The following PLS3 variants were observed in gnomAD, a reference collection of about 807,000 sequenced individuals.
PLS3 encodes plastin-3.
Under a neutral mutation model 46.5 loss-of-function variants are expected in PLS3, and 11 were observed. The ratio of observed to expected loss-of-function variants is 0.24; its 90% CI spans 0.15 to 0.39. The LOEUF is 0.39. Ranked by LOEUF, PLS3 falls within the 10% of genes least tolerant of loss-of-function variation. The pLI, the probability that PLS3 is intolerant of heterozygous loss-of-function variation, is 1.00. For synonymous variants in PLS3, 167 were observed against 162.2 expected, an observed-to-expected ratio of 1.03 and a Z score of -0.22; for missense variants, 308 against 461.8, an observed-to-expected ratio of 0.67 and a Z score of 3.05.
intron 6 of PLS3, 30 bp downstream of exon 6, chrX:115,634,111 T>A (rs1556639824): frequency 1.2e-6 from 1 of 858,648 alleles, no homozygotes. Flanking sequence ...CCCTTTAACA[T>A]GAAATTACTG....
At chrX:115,621,528 A>G (rs1556637572) in intron 2 of PLS3, among the ~76,000 whole-genome samples, 1 of 111,728 alleles carries the variant, frequency 9.0e-6, no homozygotes, top group African/African-American at 3.2e-5. Context: ...TTCTCAATAA[A>G]TTAACTTTTG....
At chrX:115,597,632 T>C (rs782083060) in intron 1 of PLS3, among the ~76,000 whole-genome samples, 2 of 112,205 alleles carry the variant, frequency 1.8e-5, no homozygotes, top group Non-Finnish European at 3.8e-5. Flanking sequence ...TCCTGAAATT[T>C]TATATTATGT....
At chrX:115,589,144 A>AT (rs781998685) in intron 1 of PLS3, among the ~76,000 whole-genome samples, 5 of 109,648 alleles carry the variant, frequency 4.6e-5, no homozygotes, top group South Asian at 7.9e-4. Flanking sequence ...ATTTTTTTGT[A>AT]TTTTTTTTGT....
chrX:115,601,473 A>C (rs782469486), intron 1 of PLS3, among the ~76,000 whole-genome samples: 1 of 108,288 alleles, frequency 9.2e-6, no homozygotes, highest in South Asian at 4.1e-4. Flanking sequence ...AAAAAAAAAA[A>C]AAACTTTTGT....
intron 7 of PLS3, among the ~76,000 whole-genome samples, chrX:115,635,470 T>A (rs1556640038): frequency 9.2e-6 from 1 of 108,337 alleles, no homozygotes; most frequent in East Asian, 2.9e-4. Flanking sequence ...GCTAACATGG[T>A]GAAACCCCGT....
intron 1 of PLS3, among the ~76,000 whole-genome samples, chrX:115,578,933 A>G (rs1480472714): frequency 1.8e-5 from 2 of 110,911 alleles, no homozygotes; most frequent in South Asian, 7.7e-4. Flanking sequence ...TTCCAATGGT[A>G]AACTCTTAAA....
intron 8 of PLS3, among the ~76,000 whole-genome samples, chrX:115,637,437 T>C (rs1367388399): frequency 2.7e-5 from 3 of 111,731 alleles, no homozygotes; most frequent in Non-Finnish European, 3.8e-5. Flanking sequence ...GAGCTCTTAT[T>C]TATGTCTGTG....
At chrX:115,646,817 T>C (rs1168455705) in intron 13 of PLS3, among the ~76,000 whole-genome samples, 1 of 112,161 alleles carries the variant, frequency 8.9e-6, no homozygotes, top group Non-Finnish European at 1.9e-5. Context: ...TAAAAAATTG[T>C]CAGAACAAAA....
chrX:115,641,225 CTTTTTTTTTTT>C (rs35431475), intron 9 of PLS3, among the ~76,000 whole-genome samples: 2 of 82,420 alleles, frequency 2.4e-5, no homozygotes, highest in Non-Finnish European at 4.5e-5. Context: ...TCTTCTCTTT[CTTTTTTTTTTT>C]TTTTTTTTTG....
Position 115,636,968 on chromosome X carries a change from C to T in PLS3, c.881C>T (p.Ala294Val). 1.7e-6 allele frequency: 2 copies of T among 1,207,995 alleles called. No individual in the cohort carries two copies. Among genetic ancestry groups the T allele is most frequent in the Non-Finnish European group, 2.2e-6 (2 of 893,215 alleles). The change falls in exon 8 of 16, where the codon GCT becomes GTT. Residue 294 changes from alanine to valine, a missense_variant. By Grantham distance (64) the Ala-to-Val change is moderately conservative. Coordinates refer to ENST00000355899, the MANE Select transcript of PLS3 (RefSeq NM_005032.7). ...SGWQKINNFS[A>V]DIKDSKAYFH... Reference sequence around the variant, plus strand: ...TGGCAAAAAATTAACAACTTTAGTGCTGACATCAAGGTAACTGTTGAAAGA... The same window carrying T: ...TGGCAAAAAATTAACAACTTTAGTGTTGACATCAAGGTAACTGTTGAAAGA...
chrX:115,647,404 AGCCTGG>A (rs1416359211), intron 13 of PLS3, 140 bp from the exon 14 acceptor site: 2 of 534,077 alleles, frequency 3.7e-6, no homozygotes, highest in East Asian at 8.0e-5. Flanking sequence ...ACTGCACTCC[AGCCTGG>A]GCGACAGAGC....
At chrX:115,606,453 A>G (rs1556635335) in intron 1 of PLS3, among the ~76,000 whole-genome samples, 1 of 110,671 alleles carries the variant, frequency 9.0e-6, no homozygotes, top group African/African-American at 3.3e-5. Flanking sequence ...TTTCTTTTGC[A>G]TAGAAGTGAT....
intron 2 of PLS3, among the ~76,000 whole-genome samples, chrX:115,615,131 A>C (rs782403701): frequency 3.6e-5 from 4 of 111,500 alleles, no homozygotes; most frequent in Non-Finnish European, 5.6e-5. Flanking sequence ...TAGCACCCCA[A>C]AAGACGCTTT....
At position 115,646,790 on chromosome X, in the gene PLS3, G is replaced by A. The variant is rs781980463; in HGVS notation, c.1511+255G>A. On this transcript the variant is annotated intron_variant, in intron 13 of 15. Coordinates refer to ENST00000355899, the MANE Select transcript of PLS3 (RefSeq NM_005032.7). ...AGCCTGACACACAGATTTCGGCCTCGTTTAGTGTCAGTGAATTAAAAAATT... is the reference window on the plus strand; with the variant it reads ...AGCCTGACACACAGATTTCGGCCTCATTTAGTGTCAGTGAATTAAAAAATT... 2.0e-3 allele frequency among the ~76,000 whole-genome samples: 221 copies of A among 112,115 alleles called. 1 individual carries two copies. The highest frequency in any genetic ancestry group is 7.0e-3 in the African/African-American group (216 of 30,955).
intron 1 of PLS3, among the ~76,000 whole-genome samples, chrX:115,594,690 A>AC (rs1377029742): frequency 1.0e-5 from 1 of 99,528 alleles, no homozygotes; most frequent in Non-Finnish European, 2.0e-5. Context: ...ACACACACAC[A>AC]CCCCACACAC....
chrX:115,630,890 T>TATATACAA, intron 5 of PLS3, among the ~76,000 whole-genome samples: 1 of 95,545 alleles, frequency 1.0e-5, no homozygotes, highest in African/African-American at 3.8e-5. Context: ...TATATATGTA[T>TATATACAA]AATATATGTA....
chrX:115,639,674 C>T (rs782158089), intron 8 of PLS3: 3 of 320,761 alleles, frequency 9.4e-6, no homozygotes, highest in South Asian at 2.8e-5. Context: ...TTACTTGACA[C>T]GTGTGTAAAG....
At chrX:115,591,307 G>A (rs1280764231) in intron 1 of PLS3, among the ~76,000 whole-genome samples, 2 of 112,186 alleles carry the variant, frequency 1.8e-5, no homozygotes, top group African/African-American at 6.5e-5. Flanking sequence ...TAGTAACTCG[G>A]TGTTGACAGA....
chrX:115,604,404 T>C (rs1569527524), intron 1 of PLS3, among the ~76,000 whole-genome samples: 1 of 112,238 alleles, frequency 8.9e-6, no homozygotes, highest in Non-Finnish European at 1.9e-5. Context: ...TATGCTGTCA[T>C]ACATACCATC....
Sources: allele counts gnomAD v4.1 joint callset (sites outside exome capture counted in the v4.1 genomes callset), GRCh38; gene constraint gnomAD v4.1.1; transcripts MANE v1.5; gene names NCBI Gene and HGNC (gene_info 2026-07-23, HGNC 2026-07-21).